Variants in TBC1D4 observed in about 807,000 individuals in gnomAD.
The protein encoded by TBC1D4 is TBC1 domain family member 4.
Under a neutral mutation model 142.5 loss-of-function variants are expected in TBC1D4, and 121 were observed. The ratio of observed to expected loss-of-function variants is 0.85; its 90% confidence interval spans 0.73 to 0.99. The LOEUF (loss-of-function observed/expected upper bound fraction) is 0.99, where lower values mean the gene tolerates loss of function less well. TBC1D4 is among the 50% of genes least tolerant of loss of function. The probability of loss-of-function intolerance (pLI) is 0.00; values close to 1 mark genes in which losing one functional copy is unlikely to be tolerated. For missense variants in TBC1D4, 1,475 were observed against 1,606.6 expected (o/e 0.92, Z 1.40); for synonymous variants, 630 against 628.2 (o/e 1.00, Z -0.04).
chr13:75,291,457 G>A (rs1453233953), intron 19 of TBC1D4, among the ~76,000 whole-genome samples: 2 of 152,178 alleles, frequency 1.3e-5, no homozygotes, highest in Admixed American at 6.6e-5. Flanking sequence ...CTGGACAGCT[G>A]TGTTGGATTG....
At chr13:75,434,027 T>C (rs556357094) in intron 1 of TBC1D4, among the ~76,000 whole-genome samples, 73 of 152,318 alleles carry the variant, frequency 4.8e-4, no homozygotes, top group African/African-American at 1.6e-3. Context: ...CTGGTGAGGT[T>C]GCAGAGAAAA....
At chr13:75,382,539 G>T (rs1883910131) in intron 1 of TBC1D4, among the ~76,000 whole-genome samples, 1 of 152,170 alleles carries the variant, frequency 6.6e-6, no homozygotes, top group Non-Finnish European at 1.5e-5. Context: ...CTAGGAAAAA[G>T]ATGTTTTAAT....
chr13:75,394,728 CTCAG>C (rs1884692366), intron 1 of TBC1D4, among the ~76,000 whole-genome samples: 2 of 152,174 alleles, frequency 1.3e-5, no homozygotes, highest in South Asian at 4.1e-4. Flanking sequence ...ATTGTTACTT[CTCAG>C]TATAACGTGC....
chr13:75,295,158 A>G, intron 17 of TBC1D4, 145 bp from the exon 18 acceptor site: 1 of 815,954 alleles, frequency 1.2e-6, no homozygotes, highest in Non-Finnish European at 1.8e-6. Flanking sequence ...TTTAAAGTTG[A>G]TACTAAAATC....
chr13:75,397,513 A>G (rs577142526), intron 1 of TBC1D4, among the ~76,000 whole-genome samples: 28 of 152,230 alleles, frequency 1.8e-4, no homozygotes, highest in Non-Finnish European at 3.7e-4. Context: ...AAACAGTAAT[A>G]TAATTATATT....
chr13:75,343,808 T>G (rs1315324394), intron 5 of TBC1D4, among the ~76,000 whole-genome samples: 2 of 149,078 alleles, frequency 1.3e-5, no homozygotes, highest in South Asian at 4.3e-4. Context: ...CACCGTGCCC[T>G]GTTTTGTGTT....
At chr13:75,467,910 C>T (rs1332990511) in intron 1 of TBC1D4, among the ~76,000 whole-genome samples, 1 of 152,068 alleles carries the variant, frequency 6.6e-6, no homozygotes, top group Non-Finnish European at 1.5e-5. Flanking sequence ...GAATACAAAC[C>T]CTGTATCTTA....
At chr13:75,309,853 CGGATAGTATGTATG>C (rs1197365828) in intron 14 of TBC1D4, 75 bp downstream of exon 14, 9 of 1,309,642 alleles carry the variant, frequency 6.9e-6, no homozygotes, top group Non-Finnish European at 9.9e-6. Flanking sequence ...AAACTGAGTG[CGGATAGTATGTATG>C]GGGAGAGAAA....
intron 1 of TBC1D4, among the ~76,000 whole-genome samples, chr13:75,371,371 G>A (rs112963836): frequency 7.5e-4 from 114 of 152,292 alleles, no homozygotes; most frequent in African/African-American, 2.6e-3. Flanking sequence ...TAGGCAAGAG[G>A]GGACAGAATC....
At position 75,383,657 on chromosome 13, in the gene TBC1D4, TTGC is replaced by T. The variant is rs1883995700; in HGVS notation, c.499-21053_499-21051del. The stretch of plus-strand genomic sequence containing the variant: ...TCTTATTATTATTGTTGCTAATTTC[TTGC>T]TGGGCCTATTAAACTTTACCATATG... On this transcript the variant is annotated intron_variant, in intron 1 of 20. Transcript: ENST00000377636. Among the ~76,000 whole-genome samples, 4 of 152,308 alleles carry T rather than the reference TTGC, an allele frequency of 2.6e-5. No individual in the cohort carries two copies. The South Asian group carries it at 8.3e-4, about 32-fold the overall frequency.
At position 75,436,365 on chromosome 13, in the gene TBC1D4, T is replaced by C. The variant is rs73221941; in HGVS notation, c.498+44905A>G. Among the ~76,000 whole-genome samples, 1,012 of 152,190 alleles carry C rather than the reference T, an allele frequency of 6.6e-3. 7 individuals are homozygous for C. The highest frequency in any genetic ancestry group is 9.1e-3 in the Non-Finnish European group (616 of 68,006). On this transcript the variant is annotated intron_variant, in intron 1 of 20. Coordinates refer to ENST00000377636, the MANE Select transcript of TBC1D4 (RefSeq NM_014832.5). Reference sequence around the variant, plus strand: ...AAGAAGGAATGGTGGAATCAAAAACTACCATTTCAGGCTGGGTACAGTGGC... The same window carrying C: ...AAGAAGGAATGGTGGAATCAAAAACCACCATTTCAGGCTGGGTACAGTGGC...
chr13:75,424,639 T>C (rs1304176605), intron 1 of TBC1D4, among the ~76,000 whole-genome samples: 2 of 152,104 alleles, frequency 1.3e-5, no homozygotes, highest in African/African-American at 4.8e-5. Flanking sequence ...GTAATCAAAA[T>C]AGCATGGTAC....
chr13:75,299,830 A>C (rs1451098197), intron 16 of TBC1D4, among the ~76,000 whole-genome samples: 4 of 40,974 alleles, frequency 9.8e-5, no homozygotes, highest in South Asian at 6.5e-4. Flanking sequence ...CAGCAAAAAA[A>C]AAAAAAAAAA....
At chr13:75,316,513 A>T (rs1217776083) in intron 12 of TBC1D4, 3 of 152,200 alleles carry the variant, frequency 2.0e-5, no homozygotes, top group Admixed American at 6.5e-5. Context: ...AAAAATCGAC[A>T]TCTTGAAAAA....
intron 1 of TBC1D4, among the ~76,000 whole-genome samples, chr13:75,432,817 A>G (rs1220201099): frequency 1.3e-5 from 2 of 152,094 alleles, no homozygotes; most frequent in Non-Finnish European, 2.9e-5. Context: ...GCCAGCAAGA[A>G]GTGGCATTGG....
intron 1 of TBC1D4, among the ~76,000 whole-genome samples, chr13:75,403,292 AATT>A (rs1350773755): frequency 2.2e-4 from 34 of 152,186 alleles, no homozygotes; most frequent in African/African-American, 6.8e-4. Flanking sequence ...GGATTAAGAT[AATT>A]ATTAGTTCTA....
Position 75,481,310 on chromosome 13 carries a change from T to G in TBC1D4, c.458A>C (p.Gln153Pro), listed in dbSNP as rs905869100. 2 of 1,610,394 alleles carry G rather than the reference T, an allele frequency of 1.2e-6. No homozygotes were observed. Among genetic ancestry groups the G allele is most frequent in the Admixed American group, 1.7e-5 (1 of 59,890 alleles). The stretch of plus-strand genomic sequence containing the variant: ...GGCGCGGAAAACGTGGCAGGCCATC[T>G]GCGACTCGGGGTCGTCGGGCTGCGC... ...IKAQPDDPESQMACHVFRATD... is the reference protein window; with the variant it reads ...IKAQPDDPESPMACHVFRATD... The change falls in exon 1 of 21, where the codon CAG becomes CCG. Residue 153 changes from glutamine to proline, a missense_variant. Transcript: ENST00000377636.
At chr13:75,425,096 A>G (rs937501328) in intron 1 of TBC1D4, among the ~76,000 whole-genome samples, 2 of 152,190 alleles carry the variant, frequency 1.3e-5, no homozygotes, top group East Asian at 1.9e-4. Context: ...TGCAAACCAT[A>G]TATCTGATAA....
chr13:75,471,403 T>A (rs1888393919), intron 1 of TBC1D4, among the ~76,000 whole-genome samples: 1 of 152,188 alleles, frequency 6.6e-6, no homozygotes. Flanking sequence ...ATAAATAGAA[T>A]ACACCACCAC....
Sources: gnomAD v4.1 joint callset for allele counts (sites outside exome capture counted in the v4.1 genomes callset) on GRCh38, gnomAD v4.1.1 for gene constraint, MANE v1.5 for transcripts, NCBI Gene and HGNC (gene_info 2026-07-23, HGNC 2026-07-21) for gene names.